Variants in KHDRBS2 observed in about 807,000 individuals in gnomAD.
KHDRBS2 encodes KH RNA binding domain containing, signal transduction associated 2.
Under a neutral mutation model 44.3 loss-of-function variants are expected in KHDRBS2, and 26 were observed. That is an observed-to-expected ratio of 0.59 (90% CI 0.43 to 0.81). The LOEUF (loss-of-function observed/expected upper bound fraction) is 0.81, where lower values mean the gene tolerates loss of function less well. Among genes scored for constraint, KHDRBS2 ranks in the 40% least tolerant of loss-of-function variants. The probability of loss-of-function intolerance (pLI) is 0.00; values close to 1 mark genes in which losing one functional copy is unlikely to be tolerated. For missense variants in KHDRBS2, 476 were observed against 433.1 expected (o/e 1.10, Z -0.88); for synonymous variants, 194 against 151.1 (o/e 1.28, Z -2.08).
Position 61,884,060 on chromosome 6 carries a change from C to T in KHDRBS2, c.810+10575G>A, listed in dbSNP as rs548771014. Among the ~76,000 whole-genome samples, 12 of 152,124 alleles carry T rather than the reference C, an allele frequency of 7.9e-5. No individual in the cohort carries two copies. In the South Asian group the frequency reaches 2.5e-3, roughly 31 times the overall value. On this transcript the variant is annotated intron_variant, in intron 6 of 8. Transcript: ENST00000281156. The stretch of plus-strand genomic sequence containing the variant: ...AATTGATTTCAATTATCATTTAATA[C>T]CTATTTCCCTCTCCTGTCAAAAAAT...
chr6:62,243,092 T>C (rs1481091150), intron 1 of KHDRBS2, among the ~76,000 whole-genome samples: 1 of 152,204 alleles, frequency 6.6e-6, no homozygotes, highest in Non-Finnish European at 1.5e-5. Flanking sequence ...TGTTACCTGT[T>C]TGAGCACAAT....
chr6:62,050,799 C>A, intron 2 of KHDRBS2, among the ~76,000 whole-genome samples: 1 of 151,940 alleles, frequency 6.6e-6, no homozygotes. Flanking sequence ...AAGTATTTAT[C>A]CCAGGGAATT....
At chr6:61,834,662 G>A (rs1027153145) in intron 6 of KHDRBS2, among the ~76,000 whole-genome samples, 1 of 151,938 alleles carries the variant, frequency 6.6e-6, no homozygotes. Flanking sequence ...ACCTTCTCTG[G>A]GTTGTTTGTA....
chr6:62,085,286 T>C (rs564936783), intron 2 of KHDRBS2, among the ~76,000 whole-genome samples: 16 of 152,146 alleles, frequency 1.1e-4, no homozygotes, highest in Non-Finnish European at 2.2e-4. Flanking sequence ...AGAATGTGGA[T>C]TGAAAAGAAG....
chr6:62,272,700 G>A (rs1840278356), intron 1 of KHDRBS2, among the ~76,000 whole-genome samples: 1 of 152,166 alleles, frequency 6.6e-6, no homozygotes, highest in African/African-American at 2.4e-5. Context: ...AATTGTCAAA[G>A]GAGAAAGCAG....
the KHDRBS2 span, among the ~76,000 whole-genome samples, chr6:61,616,521 TTAA>T: frequency 1.3e-5 from 2 of 150,460 alleles, no homozygotes; most frequent in African/African-American, 2.4e-5. Context: ...TTCTAAACCA[TTAA>T]TAACATAAAT....
intron 1 of KHDRBS2, among the ~76,000 whole-genome samples, chr6:62,252,631 C>T (rs1836741519): frequency 6.6e-6 from 1 of 151,846 alleles, no homozygotes; most frequent in Admixed American, 6.6e-5. Context: ...TTTATTTTTA[C>T]CTGTCTCAAA....
intron 6 of KHDRBS2, among the ~76,000 whole-genome samples, chr6:61,868,051 A>C (rs1274277593): frequency 3.3e-5 from 5 of 152,102 alleles, no homozygotes; most frequent in African/African-American, 1.2e-4. Flanking sequence ...AGGCTGGACC[A>C]GCTGAGATGC....
chr6:61,950,245 G>A (rs1204109274), intron 4 of KHDRBS2, among the ~76,000 whole-genome samples: 1 of 151,958 alleles, frequency 6.6e-6, no homozygotes, highest in Non-Finnish European at 1.5e-5. Flanking sequence ...AGACTTGAAT[G>A]GCTTGCTATT....
At chr6:61,989,051 T>C (rs775810383) in intron 3 of KHDRBS2, among the ~76,000 whole-genome samples, 2 of 152,178 alleles carry the variant, frequency 1.3e-5, no homozygotes, top group East Asian at 3.9e-4. Flanking sequence ...CAAATACAAA[T>C]TAAAAATCAG....
chr6:61,668,043 T>A, the KHDRBS2 span, among the ~76,000 whole-genome samples: 1 of 151,172 alleles, frequency 6.6e-6, no homozygotes, highest in Admixed American at 6.6e-5. Flanking sequence ...AATCTAAATA[T>A]AACAAATAAA....
intron 4 of KHDRBS2, among the ~76,000 whole-genome samples, chr6:61,958,123 C>T (rs1767826371): frequency 6.6e-6 from 1 of 152,116 alleles, no homozygotes; most frequent in African/African-American, 2.4e-5. Context: ...TCTCTATTGA[C>T]ATCAAAACCA....
In KHDRBS2 at chr6:61,680,982, T is replaced by TG; in HGVS notation, c.1030dup (p.His344ProfsTer5). The TG allele has an allele frequency of 1.2e-6, 2 of 1,609,452 alleles. No individual in the cohort carries two copies. Among genetic ancestry groups the TG allele is most frequent in the Non-Finnish European group, 1.7e-6 (2 of 1,176,630 alleles). On this transcript the variant is annotated frameshift_variant, in exon 9 of 9. Coordinates refer to ENST00000281156, the MANE Select transcript of KHDRBS2 (RefSeq NM_152688.4). LOFTEE classifies it high-confidence loss of function. ...GGACCTTCAATATCTACCATAGGGGTGTTCCCTGTATCCCCCTCTGGCTGA... is the reference window on the plus strand; with the variant it reads ...GGACCTTCAATATCTACCATAGGGGTGGTTCCCTGTATCCCCCTCTGGCTGA...
At chr6:61,587,672 AT>A in the KHDRBS2 span, among the ~76,000 whole-genome samples, 10 of 152,108 alleles carry the variant, frequency 6.6e-5, no homozygotes, top group Non-Finnish European at 1.3e-4. Flanking sequence ...GATATTTTTG[AT>A]TTGACAGATT....
the KHDRBS2 span, among the ~76,000 whole-genome samples, chr6:61,551,968 G>T: frequency 6.6e-6 from 1 of 152,034 alleles, no homozygotes; most frequent in South Asian, 2.1e-4. Flanking sequence ...GGATGCTGTT[G>T]TTGCATGGGA....
chr6:61,783,311 C>T (rs1425090826), intron 6 of KHDRBS2, among the ~76,000 whole-genome samples: 2 of 152,078 alleles, frequency 1.3e-5, no homozygotes, highest in South Asian at 2.1e-4. Context: ...CTTTACTCAT[C>T]CTTTAAGCTC....
chr6:61,955,368 ACG>A (rs1312170314), intron 4 of KHDRBS2, among the ~76,000 whole-genome samples: 2 of 110,246 alleles, frequency 1.8e-5, no homozygotes, highest in African/African-American at 3.8e-5. Context: ...GTATACATAT[ACG>A]TGTATATATA....
chr6:61,819,685 A>C (rs1398093157), intron 6 of KHDRBS2, among the ~76,000 whole-genome samples: 1 of 152,040 alleles, frequency 6.6e-6, no homozygotes, highest in African/African-American at 2.4e-5. Context: ...AGAGAAAGCA[A>C]ATTTTCCATT....
chr6:62,126,014 AGCAGGGTAGAG>A (rs151142037), intron 2 of KHDRBS2, among the ~76,000 whole-genome samples: 77,312 of 151,798 alleles, frequency 0.51, 20,041 homozygotes, highest in Non-Finnish European at 0.55. Flanking sequence ...GCTCAGCCAT[AGCAGGGTAGAG>A]CATTAAGCAG....
Sources: allele counts gnomAD v4.1 joint callset (sites outside exome capture counted in the v4.1 genomes callset), GRCh38; gene constraint gnomAD v4.1.1; transcripts MANE v1.5; gene names NCBI Gene and HGNC (gene_info 2026-07-23, HGNC 2026-07-21).